The following SMCHD1 variants were observed in gnomAD, a reference collection of about 807,000 sequenced individuals.
The protein encoded by SMCHD1 is structural maintenance of chromosomes flexible hinge domain containing 1.
In SMCHD1, 78 loss-of-function variants were observed where a neutral mutation model predicts 254.7. The ratio of observed to expected loss-of-function variants is 0.31; its 90% CI spans 0.26 to 0.37. SMCHD1 has a LOEUF of 0.37. Among genes scored for constraint, SMCHD1 ranks in the 10% least tolerant of loss-of-function variants. The pLI, the probability that SMCHD1 is intolerant of heterozygous loss-of-function variation, is 1.00. For synonymous variants in SMCHD1, 766 were observed against 794.9 expected (o/e 0.96, Z 0.61); for missense variants, 1,840 against 2,408.1 (o/e 0.76, Z 4.94).
At chr18:2,788,687 C>T (rs2076275470) in intron 45 of SMCHD1, among the ~76,000 whole-genome samples, 1 of 152,132 alleles carries the variant, frequency 6.6e-6, no homozygotes, top group Non-Finnish European at 1.5e-5. Context: ...GCAACCTCCA[C>T]CTCCCAGGTT....
At chr18:2,657,341 AAATG>A (rs2073099351) in intron 1 of SMCHD1, among the ~76,000 whole-genome samples, 1 of 152,232 alleles carries the variant, frequency 6.6e-6, no homozygotes. Flanking sequence ...TAGAATGGAT[AAATG>A]AATGAAGACA....
chr18:2,707,069 A>G (rs2074532819), intron 15 of SMCHD1, among the ~76,000 whole-genome samples: 1 of 152,208 alleles, frequency 6.6e-6, no homozygotes, highest in African/African-American at 2.4e-5. Flanking sequence ...CCTGTGATCC[A>G]ATCACCGCCC....
Position 2,738,234 on chromosome 18 carries a change from G to A in SMCHD1, c.3277-163G>A, listed in dbSNP as rs115449888. Reference sequence around the variant, plus strand: ...CAACAAAGACAAAGAGGATGCCTTTGTATCATATTAGTATATGAACCACAC... The same window carrying A: ...CAACAAAGACAAAGAGGATGCCTTTATATCATATTAGTATATGAACCACAC... On this transcript the variant is annotated intron_variant, in intron 25 of 47. Coordinates refer to ENST00000320876, the MANE Select transcript of SMCHD1 (RefSeq NM_015295.3). Among the ~76,000 whole-genome samples, 1,506 of 152,166 alleles carry A rather than the reference G, an allele frequency of 9.9e-3. 21 individuals carry two copies. The highest frequency in any genetic ancestry group is 0.031 in the African/African-American group (1,274 of 41,512).
chr18:2,802,228 G>A (rs1035532915), intron 47 of SMCHD1, among the ~76,000 whole-genome samples: 1 of 152,028 alleles, frequency 6.6e-6, no homozygotes, highest in Non-Finnish European at 1.5e-5. Flanking sequence ...AAAAGGGGGT[G>A]AAAGGAAAAA....
intron 9 of SMCHD1, 176 bp downstream of exon 9, chr18:2,697,298 T>C (rs2074305203): frequency 2.3e-6 from 1 of 432,828 alleles, no homozygotes; most frequent in Non-Finnish European, 4.2e-6. Context: ...AGATGTATTT[T>C]TCTCAAACCT....
At chr18:2,762,374 A>G (rs1291389257) in intron 36 of SMCHD1, 138 bp downstream of exon 36, 3 of 617,364 alleles carry the variant, frequency 4.9e-6, no homozygotes, top group South Asian at 5.2e-5. Context: ...GATGAATTAA[A>G]TATTTATAAA....
intron 7 of SMCHD1, among the ~76,000 whole-genome samples, chr18:2,689,222 T>TTC (rs1363111257): frequency 2.1e-5 from 3 of 143,310 alleles, no homozygotes; most frequent in Non-Finnish European, 3.0e-5. Context: ...TTTTTTTTCT[T>TTC]TTTTTTTTTT....
chr18:2,656,633 T>G lies in SMCHD1; in HGVS notation c.186+372T>G, dbSNP rs565211753. Among the ~76,000 whole-genome samples the G allele has an allele frequency of 1.4e-4, 21 of 152,362 alleles. 1 individual carries two copies. In the South Asian group the frequency reaches 4.1e-3, roughly 30 times the overall value. On this transcript the variant is annotated intron_variant, in intron 1 of 47. Coordinates refer to ENST00000320876, the MANE Select transcript of SMCHD1 (RefSeq NM_015295.3). ...GGTGTCTGTTTTTACTTTGTAACTT[T>G]TTTAAAACGAGAGAAGGGAGTTAAC...
chr18:2,752,145 T>A (rs1219477150), intron 33 of SMCHD1, among the ~76,000 whole-genome samples: 1 of 152,204 alleles, frequency 6.6e-6, no homozygotes, highest in Non-Finnish European at 1.5e-5. Context: ...ATGGTTCATT[T>A]TAATCATTGG....
At chr18:2,772,154 A>T in intron 40 of SMCHD1, 96 bp from the exon 41 acceptor site, 1 of 1,010,348 alleles carries the variant, frequency 9.9e-7, no homozygotes. Flanking sequence ...TATATTCTTT[A>T]GTTATCTAAA....
intron 21 of SMCHD1, among the ~76,000 whole-genome samples, chr18:2,725,218 A>T (rs371282861): frequency 1.3e-5 from 2 of 151,508 alleles, no homozygotes; most frequent in African/African-American, 2.4e-5. Context: ...TGAATTAAAT[A>T]TTTTTCACCT....
At chr18:2,781,869 TGA>T (rs2076162323) in intron 44 of SMCHD1, among the ~76,000 whole-genome samples, 1 of 152,098 alleles carries the variant, frequency 6.6e-6, no homozygotes, top group Non-Finnish European at 1.5e-5. Flanking sequence ...GAGGGTAGAA[TGA>T]GAGAGCATCT....
rs1253891426 is a variant in SMCHD1, at chr18:2,735,416, A to G, written c.3276+2924A>G. Reference sequence around the variant, plus strand: ...CTGCTCTCACCAATTCTATTCAACTATTGGAAGTTCTACCCAGAGCAATCA... The same window carrying G: ...CTGCTCTCACCAATTCTATTCAACTGTTGGAAGTTCTACCCAGAGCAATCA... On this transcript the variant is annotated intron_variant, in intron 25 of 47. Coordinates refer to ENST00000320876, the MANE Select transcript of SMCHD1 (RefSeq NM_015295.3). Among the ~76,000 whole-genome samples, 4 of 152,148 alleles carry G rather than the reference A, an allele frequency of 2.6e-5. No individual in the cohort carries two copies. The East Asian group carries it at 5.8e-4, about 22-fold the overall frequency.
chr18:2,782,404 A>AAAG (rs1184937082), intron 44 of SMCHD1, among the ~76,000 whole-genome samples: 2 of 152,182 alleles, frequency 1.3e-5, no homozygotes, highest in African/African-American at 2.4e-5. Context: ...GTTGCTTCTT[A>AAAG]ACAAGATAAT....
intron 24 of SMCHD1, among the ~76,000 whole-genome samples, chr18:2,731,236 G>A (rs2075133252): frequency 1.3e-5 from 2 of 152,204 alleles, no homozygotes; most frequent in Admixed American, 6.5e-5. Context: ...TGAGGAAGGA[G>A]ACATGAGTTA....
chr18:2,693,092 A>C (rs973824086), intron 7 of SMCHD1, among the ~76,000 whole-genome samples: 1 of 152,250 alleles, frequency 6.6e-6, no homozygotes, highest in African/African-American at 2.4e-5. Flanking sequence ...TTTAAATCAG[A>C]AATTTTAGAA....
intron 1 of SMCHD1, among the ~76,000 whole-genome samples, chr18:2,662,323 C>G (rs2073306735): frequency 6.6e-6 from 1 of 151,762 alleles, no homozygotes; most frequent in Non-Finnish European, 1.5e-5. Flanking sequence ...TTTTCAGTAA[C>G]TACAGGATGC....
intron 30 of SMCHD1, among the ~76,000 whole-genome samples, chr18:2,749,735 G>C (rs1368357612): frequency 1.3e-5 from 2 of 152,174 alleles, no homozygotes; most frequent in African/African-American, 4.8e-5. Flanking sequence ...CTGTGTTTGT[G>C]TAAACAAACT....
At chr18:2,776,091 A>G (rs538774133) in intron 42 of SMCHD1, among the ~76,000 whole-genome samples, 167 bp downstream of exon 42, 22 of 152,336 alleles carry the variant, frequency 1.4e-4, no homozygotes, top group Non-Finnish European at 2.9e-4. Flanking sequence ...TTCACTGCAT[A>G]TGCTGGCTAT....
Sources: gnomAD v4.1 joint callset for allele counts (sites outside exome capture counted in the v4.1 genomes callset) on GRCh38, gnomAD v4.1.1 for gene constraint, MANE v1.5 for transcripts, NCBI Gene and HGNC (gene_info 2026-07-23, HGNC 2026-07-21) for gene names.